ARL15: variants seen among roughly 807,000 people sequenced by gnomAD.
ARL15 encodes ADP-ribosylation factor-like protein 15.
ARL15 carries 19 observed loss-of-function variants against 25.2 expected under a neutral mutation model. The ratio of observed to expected loss-of-function variants is 0.75; its 90% CI spans 0.53 to 1.10. ARL15 has a LOEUF of 1.10. Among genes scored for constraint, ARL15 ranks in the 50% least tolerant of loss-of-function variants. ARL15 has a pLI of 0.00. For missense variants in ARL15, 220 were observed against 246.0 expected, an observed-to-expected ratio of 0.89 and a Z score of 0.71; for synonymous variants, 94 against 86.8, an observed-to-expected ratio of 1.08 and a Z score of -0.46.
At chr5:54,080,137 C>A (rs896007131) in intron 4 of ARL15, among the ~76,000 whole-genome samples, 2 of 152,128 alleles carry the variant, frequency 1.3e-5, no homozygotes, top group Non-Finnish European at 2.9e-5. Flanking sequence ...CCATGTACTT[C>A]CAAGGAAGTG....
chr5:54,268,372 AT>A (rs1411068430), intron 1 of ARL15, among the ~76,000 whole-genome samples: 1 of 151,648 alleles, frequency 6.6e-6, no homozygotes, highest in Admixed American at 6.6e-5. Flanking sequence ...ATTCGTCTAA[AT>A]TTTTTTCAAA....
intron 3 of ARL15, among the ~76,000 whole-genome samples, chr5:54,115,752 A>T (rs1415883686): frequency 1.3e-5 from 2 of 152,212 alleles, no homozygotes; most frequent in African/African-American, 2.4e-5. Context: ...GGGTTGATGC[A>T]TATCAAGCAG....
At chr5:54,298,339 G>A (rs553439712) in intron 1 of ARL15, among the ~76,000 whole-genome samples, 2 of 152,042 alleles carry the variant, frequency 1.3e-5, no homozygotes, top group Non-Finnish European at 2.9e-5. Flanking sequence ...GTGCCAAGAC[G>A]GTCTGCAACT....
intron 1 of ARL15, among the ~76,000 whole-genome samples, chr5:54,278,308 C>T (rs1757974019): frequency 6.6e-6 from 1 of 152,196 alleles, no homozygotes; most frequent in Admixed American, 6.5e-5. Flanking sequence ...ACTTCAAGAT[C>T]ACATTCTTAA....
At chr5:54,299,993 T>A (rs1758574273) in intron 1 of ARL15, among the ~76,000 whole-genome samples, 1 of 152,296 alleles carries the variant, frequency 6.6e-6, no homozygotes. Context: ...ACTCAGTCAC[T>A]CTAAAGTCAA....
chr5:53,923,335 A>G (rs1469027987), intron 4 of ARL15, among the ~76,000 whole-genome samples: 1 of 152,222 alleles, frequency 6.6e-6, no homozygotes, highest in Non-Finnish European at 1.5e-5. Flanking sequence ...AAAACTTTAC[A>G]TCTGCATAAA....
intron 4 of ARL15, among the ~76,000 whole-genome samples, chr5:54,063,866 C>T (rs1264641534): frequency 2.0e-5 from 3 of 152,084 alleles, no homozygotes; most frequent in Non-Finnish European, 4.4e-5. Flanking sequence ...ATTAGCAGCG[C>T]CTATGATGTT....
intron 4 of ARL15, among the ~76,000 whole-genome samples, chr5:54,062,491 G>A (rs978624039): frequency 1.3e-5 from 2 of 149,172 alleles, no homozygotes; most frequent in Admixed American, 6.7e-5. Context: ...GATAGTGAAT[G>A]AGACTCACGA....
chr5:54,294,944 T>C (rs1051118656), intron 1 of ARL15, among the ~76,000 whole-genome samples: 1 of 152,246 alleles, frequency 6.6e-6, no homozygotes, highest in Non-Finnish European at 1.5e-5. Context: ...GAATCATCAA[T>C]GAGCTTACTA....
At chr5:54,106,929 C>G (rs1752605717) in intron 4 of ARL15, among the ~76,000 whole-genome samples, 1 of 152,146 alleles carries the variant, frequency 6.6e-6, no homozygotes, top group Non-Finnish European at 1.5e-5. Flanking sequence ...CATGGGCATT[C>G]AAGACTACTT....
At chr5:53,933,906 G>A (rs987401022) in intron 4 of ARL15, among the ~76,000 whole-genome samples, 2 of 152,104 alleles carry the variant, frequency 1.3e-5, no homozygotes, top group African/African-American at 4.8e-5. Context: ...AGATTCCCAA[G>A]GTTATGTAAA....
intron 1 of ARL15, among the ~76,000 whole-genome samples, chr5:54,184,221 C>T (rs1236224537): frequency 8.7e-6 from 1 of 115,110 alleles, no homozygotes; most frequent in Non-Finnish European, 1.7e-5. Context: ...GCACAATGTG[C>T]ACATGTACCC....
chr5:53,897,108 A>G (rs970862052), intron 4 of ARL15, among the ~76,000 whole-genome samples: 1 of 152,208 alleles, frequency 6.6e-6, no homozygotes, highest in Middle Eastern at 3.2e-3. Context: ...TGTATACTAT[A>G]AAATTCATCC....
intron 4 of ARL15, among the ~76,000 whole-genome samples, chr5:53,973,965 G>T (rs1747841968): frequency 6.6e-6 from 1 of 151,592 alleles, no homozygotes; most frequent in African/African-American, 2.4e-5. Flanking sequence ...GTAAGGCCCT[G>T]TCATTAAAAA....
intron 4 of ARL15, among the ~76,000 whole-genome samples, chr5:54,084,164 T>C (rs1227617917): frequency 2.0e-5 from 3 of 152,102 alleles, no homozygotes; most frequent in African/African-American, 7.2e-5. Flanking sequence ...GCCGTTGGAG[T>C]GCTCTTGTAC....
chr5:53,977,884 T>A (rs1208991383), intron 4 of ARL15, among the ~76,000 whole-genome samples: 1 of 145,238 alleles, frequency 6.9e-6, no homozygotes, highest in Non-Finnish European at 1.5e-5. Flanking sequence ...CTCCTTTCTA[T>A]CACTGTGGAG....
intron 1 of ARL15, among the ~76,000 whole-genome samples, chr5:54,204,613 T>C (rs1181025711): frequency 1.3e-5 from 2 of 152,210 alleles, no homozygotes; most frequent in Admixed American, 6.5e-5. Context: ...CTAAACATAA[T>C]GTACACACTC....
chr5:54,058,243 T>G (rs1304554947), intron 4 of ARL15, among the ~76,000 whole-genome samples: 1 of 152,062 alleles, frequency 6.6e-6, no homozygotes, highest in East Asian at 1.9e-4. Flanking sequence ...TGACCTCAGG[T>G]GATCTGCCCG....
intron 4 of ARL15, among the ~76,000 whole-genome samples, chr5:53,920,320 G>A (rs1422120979): frequency 6.6e-6 from 1 of 152,026 alleles, no homozygotes; most frequent in Non-Finnish European, 1.5e-5. Context: ...TTTCATTTGT[G>A]GTTTCAACTT....
Sources: gnomAD v4.1 joint callset for allele counts (sites outside exome capture counted in the v4.1 genomes callset) on GRCh38, gnomAD v4.1.1 for gene constraint, MANE v1.5 for transcripts, NCBI Gene and HGNC (gene_info 2026-07-23, HGNC 2026-07-21) for gene names.